CPNE4: variants seen among roughly 807,000 people sequenced by gnomAD.
CPNE4 encodes the protein copine 4.
A neutral mutation model predicts 67.9 loss-of-function variants in CPNE4; 25 were observed. The ratio of observed to expected loss-of-function variants is 0.37; its 90% CI spans 0.27 to 0.51. The LOEUF (loss-of-function observed/expected upper bound fraction) is 0.51. Among genes scored for constraint, CPNE4 ranks in the 20% least tolerant of loss-of-function variants. CPNE4 has a pLI of 0.93. For synonymous variants in CPNE4, 242 were observed against 244.9 expected, an observed-to-expected ratio of 0.99 and a Z score of 0.11; for missense variants, 464 against 690.8, an observed-to-expected ratio of 0.67 and a Z score of 3.68.
intron 2 of CPNE4, among the ~76,000 whole-genome samples, chr3:131,805,572 A>G (rs917652788): frequency 3.9e-5 from 6 of 152,208 alleles, no homozygotes; most frequent in African/African-American, 1.4e-4. Context: ...TTGCAACTAG[A>G]CATTAACAGG....
intron 2 of CPNE4, among the ~76,000 whole-genome samples, chr3:131,850,224 T>TA (rs1418310996): frequency 2.6e-5 from 4 of 152,150 alleles, no homozygotes; most frequent in African/African-American, 4.8e-5. Context: ...CTTCTCTTTC[T>TA]AAAAAATGCT....
intron 1 of CPNE4, among the ~76,000 whole-genome samples, chr3:132,015,068 ATATTTT>A (rs1441535100): frequency 6.6e-6 from 1 of 152,184 alleles, no homozygotes; most frequent in Non-Finnish European, 1.5e-5. Context: ...TTTGCCTAAC[ATATTTT>A]TATAATAGGT....
chr3:131,978,269 AT>A (rs1249545162), intron 1 of CPNE4, among the ~76,000 whole-genome samples: 19 of 1,002 alleles, frequency 0.019, 3 homozygotes, highest in Admixed American at 0.077. Flanking sequence ...ATTTATATAT[AT>A]TTTATATATA....
chr3:131,900,261 T>C (rs1278062831), intron 2 of CPNE4, among the ~76,000 whole-genome samples: 1 of 151,866 alleles, frequency 6.6e-6, no homozygotes, highest in Non-Finnish European at 1.5e-5. Flanking sequence ...TCACTGATCA[T>C]CAGAAAAATG....
At chr3:131,729,204 G>A (rs1247084841) in intron 2 of CPNE4, among the ~76,000 whole-genome samples, 1 of 152,156 alleles carries the variant, frequency 6.6e-6, no homozygotes, top group East Asian at 1.9e-4. Context: ...ATAGGCCAGA[G>A]AGAGACAAGA....
chr3:131,582,856 T>C (rs1937927136), intron 8 of CPNE4, among the ~76,000 whole-genome samples: 1 of 152,216 alleles, frequency 6.6e-6, no homozygotes, highest in African/African-American at 2.4e-5. Flanking sequence ...GTGAGTTCTG[T>C]TGGCACCACG....
At chr3:131,583,721 T>A (rs1029881538) in intron 8 of CPNE4, among the ~76,000 whole-genome samples, 23 of 152,204 alleles carry the variant, frequency 1.5e-4, no homozygotes, top group Non-Finnish European at 2.4e-4. Flanking sequence ...TAGGGGGTCC[T>A]GATGGACCAG....
chr3:131,953,112 C>T (rs1000796942), intron 1 of CPNE4, among the ~76,000 whole-genome samples: 16 of 151,824 alleles, frequency 1.1e-4, no homozygotes, highest in African/African-American at 2.9e-4. Context: ...TGCAGAGGGC[C>T]GCAGGGTCCT....
chr3:131,693,691 T>C (rs1193582927), intron 5 of CPNE4, among the ~76,000 whole-genome samples: 1 of 152,174 alleles, frequency 6.6e-6, no homozygotes, highest in Non-Finnish European at 1.5e-5. Context: ...TGCAAAGGTA[T>C]TGGGACCATG....
intron 7 of CPNE4, among the ~76,000 whole-genome samples, chr3:131,637,726 C>CA (rs2079430800): frequency 6.6e-6 from 1 of 152,116 alleles, no homozygotes; most frequent in South Asian, 2.1e-4. Flanking sequence ...ATCACCTAGG[C>CA]ACAGTCATCC....
intron 1 of CPNE4, among the ~76,000 whole-genome samples, chr3:131,977,106 T>G (rs1242373372): frequency 1.3e-5 from 2 of 152,168 alleles, no homozygotes; most frequent in African/African-American, 4.8e-5. Flanking sequence ...AGCCACATTA[T>G]CATTCTTAAT....
intron 8 of CPNE4, among the ~76,000 whole-genome samples, chr3:131,582,193 C>A (rs1264082171): frequency 6.6e-6 from 1 of 152,032 alleles, no homozygotes; most frequent in Admixed American, 6.6e-5. Flanking sequence ...TTACTAGGGA[C>A]AATAATAAAT....
chr3:131,835,510 C>G (rs2085520890), intron 2 of CPNE4, among the ~76,000 whole-genome samples: 1 of 151,724 alleles, frequency 6.6e-6, no homozygotes, highest in Non-Finnish European at 1.5e-5. Context: ...GCCTGGGCAA[C>G]AGAGAAAGAC....
At position 131,875,695 on chromosome 3, in the gene CPNE4, G is replaced by C. The variant is rs187254774; in HGVS notation, c.180+29569C>G. ...CAGGCCTGTCCTGGGGTGGGGGGAG[G>C]GGGGAGGGATAGCATTAGGAGATAT... On this transcript the variant is annotated intron_variant, in intron 2 of 15. Coordinates refer to ENST00000429747, the MANE Select transcript of CPNE4 (RefSeq NM_130808.3). 5.0e-5 allele frequency among the ~76,000 whole-genome samples: 7 copies of C among 139,826 alleles called. No homozygotes were observed. The East Asian group carries it at 1.3e-3, about 25-fold the overall frequency. The allele number at this position is 139,826 out of a possible 152,430, so 91.7% of individuals were successfully genotyped here.
chr3:131,581,042 G>A (rs564419934), intron 9 of CPNE4, among the ~76,000 whole-genome samples: 13 of 151,872 alleles, frequency 8.6e-5, no homozygotes, highest in African/African-American at 1.9e-4. Flanking sequence ...GCGTGGTGGC[G>A]GGCACCTGTA....
intron 2 of CPNE4, among the ~76,000 whole-genome samples, chr3:131,790,882 T>C (rs2083700072): frequency 6.6e-6 from 1 of 152,202 alleles, no homozygotes; most frequent in Non-Finnish European, 1.5e-5. Context: ...CATAGAATTT[T>C]AGCCTAATAC....
At chr3:131,565,102 A>G (rs1936987749) in intron 10 of CPNE4, among the ~76,000 whole-genome samples, 1 of 152,048 alleles carries the variant, frequency 6.6e-6, no homozygotes, top group African/African-American at 2.4e-5. Context: ...CTTCTTAATA[A>G]CAAAAGAAAG....
intron 2 of CPNE4, among the ~76,000 whole-genome samples, chr3:131,904,181 C>T (rs9873429): frequency 0.72 from 109,862 of 151,990 alleles, 39,932 homozygotes; most frequent in Admixed American, 0.81. Context: ...ACACATGAGT[C>T]TTGGGGGATG....
At chr3:132,033,847 T>C (rs895221761) in intron 1 of CPNE4, among the ~76,000 whole-genome samples, 3 of 152,202 alleles carry the variant, frequency 2.0e-5, no homozygotes, top group African/African-American at 7.2e-5. Context: ...CTCGTGTGTC[T>C]GTGATACCAC....
Sources: allele counts gnomAD v4.1 joint callset (sites outside exome capture counted in the v4.1 genomes callset), GRCh38; gene constraint gnomAD v4.1.1; transcripts MANE v1.5; gene names NCBI Gene and HGNC (gene_info 2026-07-23, HGNC 2026-07-21).